The following HECTD4 variants were observed in gnomAD, a reference collection of about 807,000 sequenced individuals.
HECTD4 encodes the protein HECT domain E3 ubiquitin protein ligase 4.
A neutral mutation model predicts 471.5 loss-of-function variants in HECTD4; 114 were observed. The ratio of observed to expected loss-of-function variants is 0.24; its 90% CI spans 0.21 to 0.28. The LOEUF (loss-of-function observed/expected upper bound fraction) is 0.28. Among genes scored for constraint, HECTD4 ranks in the 10% least tolerant of loss-of-function variants. HECTD4 has a pLI of 1.00. For synonymous variants in HECTD4, 2,012 were observed against 2,256.0 expected (o/e 0.89, Z 3.07); for missense variants, 3,866 against 5,651.5 (o/e 0.68, Z 10.13).
rs2033383931 is a variant in HECTD4, at chr12:112,231,683, A to C, written c.6030T>G (p.Ala2010=). The C allele has an allele frequency of 6.2e-7, 1 of 1,612,762 alleles. No homozygotes were observed. Among genetic ancestry groups the C allele is most frequent in the South Asian group, 1.1e-5 (1 of 91,032 alleles). ...TGGTGGCTTTCCGCAGGGCGGCTGC[A>C]GCCTCTTCTGTAATCACTTCGCAAC... The part of the protein sequence containing the change: ...GGCCEVITEE[A]AAALRKATKW... The change falls in exon 39 of 76, where the codon GCT becomes GCG. Residue 2010 remains alanine, a synonymous_variant. Coordinates refer to ENST00000682272, the MANE Select transcript of HECTD4 (RefSeq NM_001388303.1).
chr12:112,198,212 T>C (rs1434963445), intron 55 of HECTD4, among the ~76,000 whole-genome samples: 1 of 152,210 alleles, frequency 6.6e-6, no homozygotes, highest in East Asian at 1.9e-4. Flanking sequence ...TAAAATACTG[T>C]AGTTTCCTGA....
At position 112,162,031 on chromosome 12, in the gene HECTD4, C is replaced by T. The variant is rs1045092291; in HGVS notation, c.*356G>A. 16 of 200,892 alleles carry T rather than the reference C, an allele frequency of 8.0e-5. No homozygotes were observed. The highest frequency in any genetic ancestry group is 2.2e-4 in the Admixed American group (4 of 17,864). The allele number at this position is 200,892 out of a possible 1,614,324, so 12.4% of individuals were successfully genotyped here. A position where few individuals can be genotyped will look rare whatever the true frequency, so the allele number is the denominator to read the frequency against. ...TGTGTGGCCGAGGTCATTGTACCCC[C>T]GGCTTCCTGCTGGGTGGTTCTGTGA... On this transcript the variant is annotated 3_prime_UTR_variant, in exon 76 of 76. Coordinates refer to ENST00000682272, the MANE Select transcript of HECTD4 (RefSeq NM_001388303.1). This position sits in a 1 kb window ranked among gnomAD's most constrained non-coding sequence, Gnocchi z 5.2.
At chr12:112,211,062 G>A (rs549522656) in intron 49 of HECTD4, among the ~76,000 whole-genome samples, 4 of 152,116 alleles carry the variant, frequency 2.6e-5, no homozygotes, top group African/African-American at 4.8e-5. Flanking sequence ...TTTAAAAGAC[G>A]GAGTCTTGGC....
At chr12:112,227,997 C>A in intron 43 of HECTD4, 92 bp downstream of exon 43, 1 of 1,168,580 alleles carries the variant, frequency 8.6e-7, no homozygotes, top group South Asian at 1.8e-5. Flanking sequence ...TGTGGATTCA[C>A]TAAGTTGGGA....
intron 1 of HECTD4, among the ~76,000 whole-genome samples, chr12:112,378,150 C>T (rs2036818147): frequency 6.6e-6 from 1 of 152,138 alleles, no homozygotes; most frequent in Non-Finnish European, 1.5e-5. Context: ...ATCTCCTGAT[C>T]TCAGAGAACT....
At chr12:112,379,185 T>C (rs1287457504) in intron 1 of HECTD4, among the ~76,000 whole-genome samples, 1 of 152,228 alleles carries the variant, frequency 6.6e-6, no homozygotes, top group Non-Finnish European at 1.5e-5. Flanking sequence ...TATACATGCA[T>C]GGAGGCAATA....
At chr12:112,376,983 G>A (rs900593897) in intron 1 of HECTD4, among the ~76,000 whole-genome samples, 6 of 152,110 alleles carry the variant, frequency 3.9e-5, no homozygotes, top group East Asian at 1.9e-4. Flanking sequence ...GTGGTGGTGC[G>A]TGCCTGTAAT....
chr12:112,209,587 A>G (rs756716791), intron 50 of HECTD4, among the ~76,000 whole-genome samples: 1 of 152,194 alleles, frequency 6.6e-6, no homozygotes, highest in Non-Finnish European at 1.5e-5. Context: ...CGGCCTCCCA[A>G]AGTGCTGGCA....
chr12:112,193,496 C>G lies in HECTD4; in HGVS notation c.8928G>C (p.Leu2976=), dbSNP rs2032148193. Residue 2976 remains leucine, a synonymous_variant, in exon 57 of 76, where the codon CTG becomes CTC. Transcript: ENST00000682272. The surrounding 1 kb of genome is among the most constrained non-coding windows in gnomAD (Gnocchi z 5.2). ...GCAGGAAAGAGCAGATCTGTTTCGT[C>G]AGCTCTAAAAGGCTCTCCTCGCCCT... ...LHQGEESLLE[L]TKQICSFLQT... 4 of 1,610,544 alleles carry G rather than the reference C, an allele frequency of 2.5e-6. No homozygotes were observed. Among genetic ancestry groups the G allele is most frequent in the Non-Finnish European group, 2.5e-6 (3 of 1,178,548 alleles).
chr12:112,182,045 A>G (rs2031689650), intron 62 of HECTD4, among the ~76,000 whole-genome samples: 1 of 152,076 alleles, frequency 6.6e-6, no homozygotes, highest in Non-Finnish European at 1.5e-5. Flanking sequence ...GTGAGCTGAG[A>G]TTGTACCACT....
At chr12:112,217,356 CAA>C (rs2135550786) in intron 45 of HECTD4, among the ~76,000 whole-genome samples, 161 bp from the exon 46 acceptor site, 1 of 148,546 alleles carries the variant, frequency 6.7e-6, no homozygotes, top group East Asian at 2.2e-4. Context: ...CACACACACA[CAA>C]TTTATTTATT....
intron 24 of HECTD4, 33 bp downstream of exon 24, chr12:112,250,933 TGCAGG>T: frequency 6.4e-7 from 1 of 1,559,768 alleles, no homozygotes. Context: ...CTTTTTCCTT[TGCAGG>T]CAACACTAGC....
At chr12:112,167,238 G>A in intron 72 of HECTD4, 79 bp downstream of exon 72, 9 of 1,264,050 alleles carry the variant, frequency 7.1e-6, no homozygotes, top group South Asian at 1.4e-5. Context: ...CGGGGAGCTC[G>A]GGTCTGCATG....
At chr12:112,230,571 G>A in intron 40 of HECTD4, 116 bp downstream of exon 40, 1 of 1,243,434 alleles carries the variant, frequency 8.0e-7, no homozygotes. Context: ...TCAGTTAACA[G>A]GTATCTGATG....
chr12:112,235,446 T>C lies in HECTD4; in HGVS notation c.5725+58A>G. ...AGGAAGCACAGATGCAAGGGGGACCTGACTGGGCACAGGAATGCTGCACTG... is the reference window on the plus strand; with the variant it reads ...AGGAAGCACAGATGCAAGGGGGACCCGACTGGGCACAGGAATGCTGCACTG... On this transcript the variant is annotated intron_variant, in intron 36 of 75. Transcript: ENST00000682272. This position sits in a 1 kb window ranked among gnomAD's most constrained non-coding sequence, Gnocchi z 5.0. 6.5e-7 allele frequency: 1 copy of C among 1,546,814 alleles called. No homozygotes were observed. Among genetic ancestry groups the C allele is most frequent in the Non-Finnish European group, 8.7e-7 (1 of 1,146,938 alleles).
chr12:112,266,163 T>C (rs1185067070), intron 14 of HECTD4, among the ~76,000 whole-genome samples, 180 bp from the exon 15 acceptor site: 1 of 152,228 alleles, frequency 6.6e-6, no homozygotes, highest in African/African-American at 2.4e-5. Context: ...TTAACCAGCA[T>C]CCTGATTAAA....
In HECTD4 at chr12:112,235,225, T is replaced by A. The variant is rs374260580; in HGVS notation, c.5767A>T (p.Thr1923Ser). Residue 1923 changes from threonine (T) to serine (S), a missense_variant, in exon 37 of 76, where the codon ACC (threonine) becomes TCC (serine). Physicochemically the swap from Thr to Ser is moderately conservative, Grantham distance 58. This residue lies in a region of HECTD4 where 617 missense variants were observed against 915.1 expected (regional missense o/e 0.67). Transcript: ENST00000682272. This position sits in a 1 kb window ranked among gnomAD's most constrained non-coding sequence, Gnocchi z 5.0. ...TTGGGACTGGTTTTTGTCAATGTGG[T>A]GTCAGGTTCAGAAGCGGTTGGAGAA... The part of the protein sequence containing the change: ...VLSPTASEPD[T>S]TLTKTSPKNS... 2.8e-5 allele frequency: 45 copies of A among 1,613,884 alleles called. No homozygotes were observed. Among genetic ancestry groups the A allele is most frequent in the East Asian group, 1.8e-4 (8 of 44,896 alleles).
intron 52 of HECTD4, 109 bp downstream of exon 52, chr12:112,207,765 G>T: frequency 8.0e-7 from 1 of 1,253,062 alleles, no homozygotes; most frequent in Non-Finnish European, 1.1e-6. Context: ...ACACTGTTAA[G>T]TATGGTGCAA....
chr12:112,209,535 A>G (rs2032700101), intron 50 of HECTD4, among the ~76,000 whole-genome samples: 1 of 152,194 alleles, frequency 6.6e-6, no homozygotes, highest in African/African-American at 2.4e-5. Flanking sequence ...CATGCTGGTC[A>G]GGCTGGTCTC....
Sources: allele counts gnomAD v4.1 joint callset (sites outside exome capture counted in the v4.1 genomes callset), GRCh38; gene constraint gnomAD v4.1.1; regional missense constraint gnomAD v4.1.1; non-coding constraint Gnocchi (gnomAD v3.1); transcripts MANE v1.5; gene names NCBI Gene and HGNC (gene_info 2026-07-23, HGNC 2026-07-21).